The following CA12 variants were observed in gnomAD, a reference collection of about 807,000 sequenced individuals.
CA12 encodes the protein carbonate dehydratase XII.
CA12 carries 36 observed loss-of-function variants against 46.8 expected under a neutral mutation model. That is an observed-to-expected ratio of 0.77 (90% CI 0.59 to 1.02). The LOEUF is 1.02. Ranked by LOEUF, CA12 falls within the 50% of genes least tolerant of loss-of-function variation. The probability of loss-of-function intolerance (pLI) is 0.00; values close to 1 mark genes in which losing one functional copy is unlikely to be tolerated. For synonymous variants in CA12, 202 were observed against 187.0 expected, an observed-to-expected ratio of 1.08 and a Z score of -0.65; for missense variants, 436 against 451.4, an observed-to-expected ratio of 0.97 and a Z score of 0.31.
intron 2 of CA12, among the ~76,000 whole-genome samples, chr15:63,363,263 G>A (rs2039389352): frequency 6.6e-6 from 1 of 152,184 alleles, no homozygotes; most frequent in Non-Finnish European, 1.5e-5. Flanking sequence ...ACATGGTGAT[G>A]TGGCATTTCC....
Position 63,370,132 on chromosome 15 carries a change from T to C in CA12, c.106+5526A>G, listed in dbSNP as rs951919765. ...GATTTCTAACCCCAGCAGAAATCCA[T>C]GGGATTTGGGGATAGGAATTCAGTG... On this transcript the variant is annotated intron_variant, in intron 2 of 10. Coordinates refer to ENST00000178638, the MANE Select transcript of CA12 (RefSeq NM_001218.5). Among the ~76,000 whole-genome samples, 32 of 152,098 alleles carry C rather than the reference T, an allele frequency of 2.1e-4. 1 individual carries two copies. Among genetic ancestry groups the C allele is most frequent in the South Asian group, 4.1e-4 (2 of 4,836 alleles).
chr15:63,346,785 A>G, intron 2 of CA12, 76 bp from the exon 3 acceptor site: 4 of 1,481,594 alleles, frequency 2.7e-6, no homozygotes, highest in Non-Finnish European at 3.8e-6. Context: ...TTCTCTGTTC[A>G]ATACAATTAC....
Position 63,340,349 on chromosome 15 carries a change from G to A in CA12, c.686C>T (p.Pro229Leu), listed in dbSNP as rs1481677124. ...YRYRGSLTTP[P>L]CNPTVLWTVF... is the part of the protein sequence containing the mutation. ...TGTCCAGAGCACAGTGGGGTTGCAA[G>A]GGGGTGTGGTCAGGGACCCCCGGTA... Residue 229 changes from proline (P) to leucine (L), a missense_variant, in exon 7 of 11, where the codon CCT becomes CTT. By Grantham distance (98) the Pro-to-Leu change is moderately conservative. Transcript: ENST00000178638. This position sits in a 1 kb window ranked among gnomAD's most constrained non-coding sequence, Gnocchi z 4.4. The A allele has an allele frequency of 1.2e-6, 2 of 1,614,192 alleles. No homozygotes were observed. The highest frequency in any genetic ancestry group is 1.7e-6 in the Non-Finnish European group (2 of 1,180,030).
At chr15:63,346,196 C>T (rs541762867) in intron 3 of CA12, among the ~76,000 whole-genome samples, 203 of 152,242 alleles carry the variant, frequency 1.3e-3, no homozygotes, top group African/African-American at 4.7e-3. Flanking sequence ...GGGCACCCCC[C>T]GCCAAACTGT....
chr15:63,352,009 G>T (rs991510565), intron 2 of CA12, among the ~76,000 whole-genome samples: 2 of 152,098 alleles, frequency 1.3e-5, no homozygotes, highest in Non-Finnish European at 2.9e-5. Flanking sequence ...GGGTGTATGC[G>T]TGGTGGTTAT....
At chr15:63,326,404 G>A (rs199694527) in intron 10 of CA12, 47 bp from the exon 11 acceptor site, 764 of 1,476,650 alleles carry the variant, frequency 5.2e-4, no homozygotes, top group Non-Finnish European at 6.8e-4. Context: ...GAGAGCGAGC[G>A]AGCCAGAGAG....
Position 63,345,708 on chromosome 15 carries a change from T to C in CA12, c.287-89A>G, listed in dbSNP as rs2039138485. On this transcript the variant is annotated intron_variant, in intron 3 of 10. Coordinates refer to ENST00000178638, the MANE Select transcript of CA12 (RefSeq NM_001218.5). The surrounding 1 kb of genome is among the most constrained non-coding windows in gnomAD (Gnocchi z 4.3). ...AGGTAGGCAATGCTCCCTCCACCCC[T>C]GCTGCCACCCCCTGGAGCCCAGAGA... 1 of 1,498,578 alleles carries C rather than the reference T, an allele frequency of 6.7e-7. No homozygotes were observed. The highest frequency in any genetic ancestry group is 9.0e-7 in the Non-Finnish European group (1 of 1,110,268). 92.8% of individuals were successfully genotyped at this position (1,498,578 alleles called of 1,614,324 possible). A position where few individuals can be genotyped will look rare whatever the true frequency, so the allele number is the denominator to read the frequency against.
At chr15:63,376,600 T>TTCTTTCTTTCTTTCTTTC (rs10623502) in intron 1 of CA12, among the ~76,000 whole-genome samples, 7,037 of 133,272 alleles carry the variant, frequency 0.053, 272 homozygotes, top group East Asian at 0.12. Flanking sequence ...CTTTCTTTCT[T>TTCTTTCTTTCTTTCTTTC]TCTCTCTCTC....
intron 8 of CA12, among the ~76,000 whole-genome samples, chr15:63,337,617 C>A (rs778219016): frequency 3.9e-5 from 6 of 152,114 alleles, no homozygotes; most frequent in Admixed American, 6.5e-5. Flanking sequence ...CCACCACGCC[C>A]GGCTAATTTT....
At chr15:63,364,267 C>T (rs2039406262) in intron 2 of CA12, among the ~76,000 whole-genome samples, 1 of 129,864 alleles carries the variant, frequency 7.7e-6, no homozygotes, top group African/African-American at 2.9e-5. Context: ...GCAGGTAGAT[C>T]ACTTGAGCCC....
rs1242834894 is a variant in CA12 at position 63,374,238 on chromosome 15, C to A, written c.106+1420G>T. ...TCCGCTATCAACCCTTCTCCACATG[C>A]TTTCCTCGAACACCACCTTGCTCTT... On this transcript the variant is annotated intron_variant, in intron 2 of 10. Coordinates refer to ENST00000178638, the MANE Select transcript of CA12 (RefSeq NM_001218.5). This position sits in a 1 kb window ranked among gnomAD's most constrained non-coding sequence, Gnocchi z 4.4. Among the ~76,000 whole-genome samples the A allele has an allele frequency of 2.0e-5, 3 of 152,168 alleles. No individual in the cohort carries two copies. The East Asian group carries it at 5.8e-4, about 29-fold the overall frequency.
intron 2 of CA12, among the ~76,000 whole-genome samples, chr15:63,349,431 C>T (rs1157217200): frequency 6.6e-6 from 1 of 152,154 alleles, no homozygotes; most frequent in East Asian, 1.9e-4. Flanking sequence ...CAGGAACCTG[C>T]CCTGGTCCTG....
intron 2 of CA12, 151 bp downstream of exon 2, chr15:63,375,507 G>A (rs1595794583): frequency 1.6e-6 from 1 of 622,652 alleles, no homozygotes; most frequent in East Asian, 2.8e-5. Context: ...GTTCTTAGGA[G>A]ATGCCTTTGT....
chr15:63,341,854 C>T lies in CA12; in HGVS notation c.525+148G>A. 1 of 689,592 alleles carries T rather than the reference C, an allele frequency of 1.5e-6. No homozygotes were observed. Among genetic ancestry groups the T allele is most frequent in the Non-Finnish European group, 2.7e-6 (1 of 376,380 alleles). The allele number at this position is 689,592 out of a possible 1,614,324, so 42.7% of individuals were successfully genotyped here. ...CCTCCAGGCCAAGAGAGAAGGTGCA[C>T]TACAGGAGGATACCCCCTGCTCTGG... On this transcript the variant is annotated intron_variant, in intron 5 of 10. Coordinates refer to ENST00000178638, the MANE Select transcript of CA12 (RefSeq NM_001218.5). The surrounding 1 kb of genome is among the most constrained non-coding windows in gnomAD (Gnocchi z 5.2).
At chr15:63,332,565 G>A (rs1194206877) in intron 8 of CA12, among the ~76,000 whole-genome samples, 1 of 152,162 alleles carries the variant, frequency 6.6e-6, no homozygotes, top group Non-Finnish European at 1.5e-5. Context: ...GTGGTGGGAC[G>A]GGGGCCTTTG....
intron 2 of CA12, among the ~76,000 whole-genome samples, chr15:63,371,343 G>C (rs1413633592): frequency 6.6e-6 from 1 of 152,228 alleles, no homozygotes. Context: ...GAACCAAGGA[G>C]TGCAGCAAAA....
Position 63,345,549 on chromosome 15 carries a change from G to C in CA12, c.357C>G (p.His119Gln). 1 of 1,613,284 alleles carries C rather than the reference G, an allele frequency of 6.2e-7. No individual in the cohort carries two copies. The highest frequency in any genetic ancestry group is 8.5e-7 in the Non-Finnish European group (1 of 1,179,998). The change falls in exon 4 of 11, where the codon CAC (histidine) becomes CAG (glutamine). Residue 119 changes from histidine (H) to glutamine (Q), a missense_variant. His to Gln is a conservative substitution (Grantham distance 24, BLOSUM62 0). Transcript: ENST00000178638. The surrounding 1 kb of genome is among the most constrained non-coding windows in gnomAD (Gnocchi z 4.3). ...GGTCATTCGGGTTCCCCCAGTGCAG[G>C]TGCAGCTGCGTGGCACTGTAGCGAG... ...LQSRYSATQL[H>Q]LHWGNPNDPH... is the part of the protein sequence containing the mutation.
chr15:63,365,476 G>A (rs948031934), intron 2 of CA12, among the ~76,000 whole-genome samples: 9 of 152,162 alleles, frequency 5.9e-5, no homozygotes, highest in African/African-American at 2.2e-4. Flanking sequence ...GAGCTTTCCT[G>A]GCTTCAGTTG....
intron 2 of CA12, among the ~76,000 whole-genome samples, chr15:63,357,342 C>A (rs2039307781): frequency 6.6e-6 from 1 of 152,160 alleles, no homozygotes; most frequent in Non-Finnish European, 1.5e-5. Context: ...CCAGGTGATG[C>A]TGCTGCTGCT....
Sources: gnomAD v4.1 joint callset for allele counts (sites outside exome capture counted in the v4.1 genomes callset) on GRCh38, gnomAD v4.1.1 for gene constraint, Gnocchi (gnomAD v3.1) non-coding constraint, MANE v1.5 for transcripts, NCBI Gene and HGNC (gene_info 2026-07-23, HGNC 2026-07-21) for gene names.